Variants in PPP2R5C observed in about 807,000 individuals in gnomAD.
PPP2R5C encodes the protein protein phosphatase 2 regulatory subunit B'gamma, also known as serine/threonine-protein phosphatase 2A 56 kDa regulatory subunit gamma isoform.
Under a neutral mutation model 68.9 loss-of-function variants are expected in PPP2R5C, and 7 were observed. The ratio of observed to expected loss-of-function variants is 0.10; its 90% CI spans 0.06 to 0.19. The LOEUF is 0.19. Among genes scored for constraint, PPP2R5C ranks in the 10% least tolerant of loss-of-function variants. The pLI, the probability that PPP2R5C is intolerant of heterozygous loss-of-function variation, is 1.00. For missense variants in PPP2R5C, 348 were observed against 641.3 expected (o/e 0.54, Z 4.94); for synonymous variants, 210 against 222.2 (o/e 0.95, Z 0.49).
chr14:101,859,914 CTTTTT>C (rs34361568), intron 2 of PPP2R5C, among the ~76,000 whole-genome samples: 1 of 145,556 alleles, frequency 6.9e-6, no homozygotes, highest in Non-Finnish European at 1.5e-5. Context: ...TTAATTTCCA[CTTTTT>C]TTTTTTTTGA....
At chr14:101,783,705 C>CTT (rs2037952751) in intron 2 of PPP2R5C, among the ~76,000 whole-genome samples, 1 of 152,234 alleles carries the variant, frequency 6.6e-6, no homozygotes, top group Admixed American at 6.5e-5. Flanking sequence ...TGCAGCCGAC[C>CTT]TTCCAGCGGG....
At chr14:101,831,765 C>G (rs1380521358) in intron 1 of PPP2R5C, 1 of 702,440 alleles carries the variant, frequency 1.4e-6, no homozygotes, top group Non-Finnish European at 2.6e-6. Context: ...CGCACGGGTT[C>G]TGCGGGCCGA....
chr14:101,909,789 C>T (rs1245232814), intron 11 of PPP2R5C, 99 bp downstream of exon 13: 13 of 796,152 alleles, frequency 1.6e-5, no homozygotes, highest in East Asian at 8.5e-5. Context: ...ATTCTTCACT[C>T]GAAAGCAAAA....
intron 1 of PPP2R5C, chr14:101,819,479 G>C (rs2039918310): frequency 5.9e-6 from 1 of 170,170 alleles, no homozygotes; most frequent in Non-Finnish European, 1.3e-5. Flanking sequence ...CAACACACCA[G>C]TCTGACCCAA....
At chr14:101,819,086 G>T (rs1306147484) in intron 1 of PPP2R5C, 1 of 1,544,612 alleles carries the variant, frequency 6.5e-7, no homozygotes, top group Admixed American at 2.0e-5. Context: ...CAAGGAAGAG[G>T]TGGGTGGTGA....
chr14:101,925,256 C>T (rs775399274), exon 14 of PPP2R5C: 9 of 1,613,178 alleles, frequency 5.6e-6, no homozygotes, highest in Middle Eastern at 1.6e-4. Flanking sequence ...GAGCTGGCCT[C>T]CCAGGACGGC....
chr14:101,766,963 G>A (rs1341371566), intron 2 of PPP2R5C: 2 of 152,202 alleles, frequency 1.3e-5, no homozygotes, highest in Admixed American at 1.3e-4. Flanking sequence ...TGTGTCCAAT[G>A]TTACATTTTT....
chr14:101,836,717 C>G (rs1238145495), intron 1 of PPP2R5C: 1 of 242,444 alleles, frequency 4.1e-6, no homozygotes, highest in East Asian at 8.7e-5. Context: ...GCTTTAAATC[C>G]TAAGAAGAGA....
At chr14:101,774,088 G>A (rs965180301) in intron 2 of PPP2R5C, among the ~76,000 whole-genome samples, 1 of 152,208 alleles carries the variant, frequency 6.6e-6, no homozygotes, top group Non-Finnish European at 1.5e-5. Flanking sequence ...ATGTGGGAAC[G>A]AGGGGCAAGA....
rs2047025406 is a variant in PPP2R5C, at chr14:101,921,914, T to C, written c.1444-3227T>C. 1.2e-5 allele frequency: 11 copies of C among 900,024 alleles called. No homozygotes were observed. In the South Asian group the frequency reaches 4.6e-4, roughly 38 times the overall value. 55.8% of individuals were successfully genotyped at this position (900,024 alleles called of 1,614,324 possible). ...CCTATACAGAACATTCAAAGAAAAC[T>C]AGCAAATATCATGTGAATAACATTT... is the stretch of plus-strand genomic sequence containing the variant. On this transcript the variant is annotated intron_variant, in intron 13 of 13. Coordinates refer to ENST00000334743, the Ensembl canonical transcript of PPP2R5C.
rs1178889802 is a variant in PPP2R5C at position 101,781,848 on chromosome 14, A to AGCCGTGGCCGTG, written c.94-4160_94-4149dup. On this transcript the variant is annotated intron_variant, in intron 2 of 14. Coordinates refer to the PPP2R5C transcript ENST00000328724. This position sits in a 1 kb window ranked among gnomAD's most constrained non-coding sequence, Gnocchi z 6.4. ...TCCCGTCTCGGGGGCTTCATCCTCC[A>AGCCGTGGCCGTG]GCCGTGGCCGTGGCCGTGGCCAGGT... Among the ~76,000 whole-genome samples the AGCCGTGGCCGTG allele has an allele frequency of 2.0e-5, 3 of 151,512 alleles. No homozygotes were observed. Among genetic ancestry groups the AGCCGTGGCCGTG allele is most frequent in the Non-Finnish European group, 2.9e-5 (2 of 67,806 alleles).
upstream of PPP2R5C, among the ~76,000 whole-genome samples, chr14:101,806,030 T>A (rs1465314963): frequency 6.6e-6 from 1 of 152,248 alleles, no homozygotes; most frequent in Non-Finnish European, 1.5e-5. Context: ...AACTGTATGC[T>A]GAAAACAGTT....
intron 10 of PPP2R5C, among the ~76,000 whole-genome samples, chr14:101,907,415 C>T (rs1052042977): frequency 6.6e-6 from 1 of 152,148 alleles, no homozygotes; most frequent in Non-Finnish European, 1.5e-5. Context: ...AAGTATTCCA[C>T]CTGCCTCAGC....
chr14:101,922,054 A>G (rs1467040632), intron 13 of PPP2R5C: 22 of 985,216 alleles, frequency 2.2e-5, no homozygotes, highest in Non-Finnish European at 2.7e-5. Flanking sequence ...TGGGCAGTGC[A>G]GGCTCTCATT....
chr14:101,806,500 A>G (rs2039085611), upstream of PPP2R5C, among the ~76,000 whole-genome samples: 1 of 152,056 alleles, frequency 6.6e-6, no homozygotes, highest in Admixed American at 6.6e-5. Context: ...TTCTTTATCC[A>G]TTCTGTCATT....
intron 2 of PPP2R5C, among the ~76,000 whole-genome samples, chr14:101,878,638 G>A (rs1169568383): frequency 2.0e-5 from 3 of 152,204 alleles, no homozygotes; most frequent in Non-Finnish European, 4.4e-5. Flanking sequence ...TCTGGACTCC[G>A]TGGACAGGCA....
intron 13 of PPP2R5C, among the ~76,000 whole-genome samples, chr14:101,923,249 C>T (rs932557974): frequency 6.6e-6 from 1 of 152,184 alleles, no homozygotes; most frequent in African/African-American, 2.4e-5. Context: ...ATATATCCAC[C>T]GGTTTTCTGT....
At chr14:101,771,500 G>C (rs2037150799) in intron 2 of PPP2R5C, among the ~76,000 whole-genome samples, 1 of 152,140 alleles carries the variant, frequency 6.6e-6, no homozygotes, top group Non-Finnish European at 1.5e-5. Context: ...GGAGGCCCAG[G>C]CGGGTGGATC....
At chr14:101,831,368 T>C (rs2140336608) in intron 1 of PPP2R5C, among the ~76,000 whole-genome samples, 1 of 152,354 alleles carries the variant, frequency 6.6e-6, no homozygotes, top group East Asian at 1.9e-4. Context: ...TGCAACAGGC[T>C]ATTAAAGGAA....
Sources: gnomAD v4.1 joint callset for allele counts (sites outside exome capture counted in the v4.1 genomes callset) on GRCh38, gnomAD v4.1.1 for gene constraint, Gnocchi (gnomAD v3.1) non-coding constraint, MANE v1.5 for transcripts, NCBI Gene and HGNC (gene_info 2026-07-23, HGNC 2026-07-21) for gene names.